The following ATXN10 variants were observed in gnomAD, a reference collection of about 807,000 sequenced individuals.
The protein encoded by ATXN10 is ataxin-10.
In ATXN10, 28 loss-of-function variants were observed where a neutral mutation model predicts 52.9. That is an observed-to-expected ratio of 0.53 (90% CI 0.39 to 0.73). The LOEUF (loss-of-function observed/expected upper bound fraction) is 0.73. Ranked by LOEUF, ATXN10 falls within the 30% of genes least tolerant of loss-of-function variation. The pLI is 0.00. For synonymous variants in ATXN10, 226 were observed against 221.5 expected, an observed-to-expected ratio of 1.02 and a Z score of -0.18; for missense variants, 565 against 577.0, an observed-to-expected ratio of 0.98 and a Z score of 0.21.
chr22:45,713,991 A>G (rs1404979026), intron 5 of ATXN10, among the ~76,000 whole-genome samples: 1 of 152,158 alleles, frequency 6.6e-6, no homozygotes, highest in Non-Finnish European at 1.5e-5. Context: ...ACAAGTAATG[A>G]TTGTAGAATA....
Position 45,770,189 on chromosome 22 carries a change from C to A in ATXN10, c.1173+29651C>A, listed in dbSNP as rs1926727754. On this transcript the variant is annotated intron_variant, in intron 9 of 11. Coordinates refer to ENST00000252934, the MANE Select transcript of ATXN10 (RefSeq NM_013236.4). The surrounding 1 kb of genome is among the most constrained non-coding windows in gnomAD (Gnocchi z 4.5). ...AGGAACCAAAGTCAAAAGTAATTTGCCCAAACAATTTACAGCAAATATGAT... is the reference window on the plus strand; with the variant it reads ...AGGAACCAAAGTCAAAAGTAATTTGACCAAACAATTTACAGCAAATATGAT... 6.6e-6 allele frequency among the ~76,000 whole-genome samples: 1 copy of A among 152,150 alleles called. No individual in the cohort carries two copies. The highest frequency in any genetic ancestry group is 1.5e-5 in the Non-Finnish European group (1 of 68,032).
At chr22:45,738,605 T>G in intron 7 of ATXN10, 126 bp from the exon 8 acceptor site, 1 of 836,948 alleles carries the variant, frequency 1.2e-6, no homozygotes. Flanking sequence ...TGTTTTTCTC[T>G]TTGACTTATT....
intron 9 of ATXN10, among the ~76,000 whole-genome samples, chr22:45,785,864 A>G (rs1419018700): frequency 2.0e-5 from 3 of 152,242 alleles, no homozygotes; most frequent in African/African-American, 7.2e-5. Flanking sequence ...CAAACGTGGG[A>G]AGATATTTTG....
chr22:45,690,968 A>G lies in ATXN10; in HGVS notation c.308+1065A>G, dbSNP rs1436499343. ...GACGGGTAAGCTTGGGCTGGTCCAG[A>G]AGCCACTTGAGGGACTCCCTTCGGT... On this transcript the variant is annotated intron_variant, in intron 2 of 11. Transcript: ENST00000252934. The surrounding 1 kb of genome is among the most constrained non-coding windows in gnomAD (Gnocchi z 4.5). 1.3e-5 allele frequency among the ~76,000 whole-genome samples: 2 copies of G among 152,178 alleles called. No homozygotes were observed. Among genetic ancestry groups the G allele is most frequent in the Non-Finnish European group, 2.9e-5 (2 of 68,038 alleles).
intron 10 of ATXN10, among the ~76,000 whole-genome samples, chr22:45,815,091 A>T (rs1928413478): frequency 6.6e-6 from 1 of 152,208 alleles, no homozygotes; most frequent in Non-Finnish European, 1.5e-5. Context: ...AATAACCCAG[A>T]TGTGCAGTAG....
rs1203772094 is a variant in ATXN10, at chr22:45,684,971, A to T, written c.117-4741A>T. On this transcript the variant is annotated intron_variant, in intron 1 of 11. Coordinates refer to ENST00000252934, the MANE Select transcript of ATXN10 (RefSeq NM_013236.4). This position sits in a 1 kb window ranked among gnomAD's most constrained non-coding sequence, Gnocchi z 4.1. ...TGTGTGGATTTTAATAGTTTTTCTC[A>T]CTGGCAGTTGTTAAACTACTCTAAA... Among the ~76,000 whole-genome samples the T allele has an allele frequency of 2.6e-5, 4 of 152,166 alleles. 1 individual carries two copies.
At position 45,781,385 on chromosome 22, in the gene ATXN10, CCT is replaced by C. The variant is rs1169884926; in HGVS notation, c.1174-25568_1174-25567del. On this transcript the variant is annotated intron_variant, in intron 9 of 11. Coordinates refer to ENST00000252934, the MANE Select transcript of ATXN10 (RefSeq NM_013236.4). This position sits in a 1 kb window ranked among gnomAD's most constrained non-coding sequence, Gnocchi z 4.2. ...CTCTGCCCAGCAGTAGTGAGGCACC[CCT>C]CTCTCCCCGGGTGTCAAAGGAGGTT... is the stretch of plus-strand genomic sequence containing the variant. Among the ~76,000 whole-genome samples, 6 of 152,110 alleles carry C rather than the reference CCT, an allele frequency of 3.9e-5. No individual in the cohort carries two copies. Among genetic ancestry groups the C allele is most frequent in the Non-Finnish European group, 8.8e-5 (6 of 68,020 alleles).
chr22:45,744,107 T>C lies in ATXN10; in HGVS notation c.1173+3569T>C, dbSNP rs1411748552. Among the ~76,000 whole-genome samples the C allele has an allele frequency of 2.0e-5, 3 of 152,200 alleles. No individual in the cohort carries two copies. The highest frequency in any genetic ancestry group is 4.4e-5 in the Non-Finnish European group (3 of 68,020). ...CACCCATTCATCAAATACGAATGTTTGCTGGCTTGGGGATCCTTTGACGGG... is the reference window on the plus strand; with the variant it reads ...CACCCATTCATCAAATACGAATGTTCGCTGGCTTGGGGATCCTTTGACGGG... On this transcript the variant is annotated intron_variant, in intron 9 of 11. Transcript: ENST00000252934. The surrounding 1 kb of genome is among the most constrained non-coding windows in gnomAD (Gnocchi z 4.9).
At chr22:45,721,421 A>T (rs146361985) in intron 6 of ATXN10, among the ~76,000 whole-genome samples, 65 of 152,292 alleles carry the variant, frequency 4.3e-4, no homozygotes, top group Non-Finnish European at 8.2e-4. Context: ...ATGATAACTG[A>T]TTGAAATGTG....
chr22:45,835,175 G>C lies in ATXN10; in HGVS notation c.1238-7816G>C, dbSNP rs1184514112. Among the ~76,000 whole-genome samples, 1 of 152,194 alleles carries C rather than the reference G, an allele frequency of 6.6e-6. No individual in the cohort carries two copies. On this transcript the variant is annotated intron_variant, in intron 10 of 11. Coordinates refer to ENST00000252934, the MANE Select transcript of ATXN10 (RefSeq NM_013236.4). This position sits in a 1 kb window ranked among gnomAD's most constrained non-coding sequence, Gnocchi z 5.0. The stretch of plus-strand genomic sequence containing the variant: ...GCCACAGAAGCTTTTGGAGTGGGCA[G>C]GGCACAGGTCATCTTCCCATGACTT...
Position 45,786,041 on chromosome 22 carries a change from T to TA in ATXN10, c.1174-20916dup, listed in dbSNP as rs1206995598. Among the ~76,000 whole-genome samples the TA allele has an allele frequency of 6.6e-6, 1 of 152,230 alleles. No individual in the cohort carries two copies. The highest frequency in any genetic ancestry group is 2.4e-5 in the African/African-American group (1 of 41,464). On this transcript the variant is annotated intron_variant, in intron 9 of 11. Coordinates refer to ENST00000252934, the MANE Select transcript of ATXN10 (RefSeq NM_013236.4). This position sits in a 1 kb window ranked among gnomAD's most constrained non-coding sequence, Gnocchi z 4.1. ...TATAGCTAGCTTCTTAAAAATCAGCTAATTTCATTCATTATTTAAACAAAG... is the reference window on the plus strand; with the variant it reads ...TATAGCTAGCTTCTTAAAAATCAGCTAAATTTCATTCATTATTTAAACAAAG...
chr22:45,797,352 A>C (rs1274598200), intron 9 of ATXN10, among the ~76,000 whole-genome samples: 1 of 152,248 alleles, frequency 6.6e-6, no homozygotes, highest in Non-Finnish European at 1.5e-5. Flanking sequence ...AAGAACTGAA[A>C]ACATAGACTA....
rs1926578800 is a variant in ATXN10 at position 45,766,270 on chromosome 22, T to C, written c.1173+25732T>C. Among the ~76,000 whole-genome samples, 2 of 152,184 alleles carry C rather than the reference T, an allele frequency of 1.3e-5. No homozygotes were observed. Among genetic ancestry groups the C allele is most frequent in the South Asian group, 4.1e-4 (2 of 4,826 alleles). On this transcript the variant is annotated intron_variant, in intron 9 of 11. Coordinates refer to ENST00000252934, the MANE Select transcript of ATXN10 (RefSeq NM_013236.4). This position sits in a 1 kb window ranked among gnomAD's most constrained non-coding sequence, Gnocchi z 4.6. The stretch of plus-strand genomic sequence containing the variant: ...CCACACAGCTGAGCTCTGCCTCTAG[T>C]CAGGTCAGAGGTGGCATTAGAGTCT...
chr22:45,686,601 C>T (rs1228006288), intron 1 of ATXN10, among the ~76,000 whole-genome samples: 4 of 152,140 alleles, frequency 2.6e-5, no homozygotes, highest in African/African-American at 4.8e-5. Flanking sequence ...GGGCAGATCA[C>T]GAGGTCAGGA....
Position 45,733,158 on chromosome 22 carries a change from C to G in ATXN10, c.894+3568C>G, listed in dbSNP as rs990157497. ...TTCTCTGAAAGCTCAAAAAACATTC[C>G]TTTTAGCTTTGTATTTTCTGATATC... On this transcript the variant is annotated intron_variant, in intron 7 of 11. Coordinates refer to ENST00000252934, the MANE Select transcript of ATXN10 (RefSeq NM_013236.4). This position sits in a 1 kb window ranked among gnomAD's most constrained non-coding sequence, Gnocchi z 4.4. Among the ~76,000 whole-genome samples, 1 of 152,022 alleles carries G rather than the reference C, an allele frequency of 6.6e-6. No homozygotes were observed.
At chr22:45,832,606 C>A (rs977052298) in intron 10 of ATXN10, among the ~76,000 whole-genome samples, 2 of 152,212 alleles carry the variant, frequency 1.3e-5, no homozygotes, top group African/African-American at 4.8e-5. Context: ...TAGCTGTTGT[C>A]TTACCAGTAT....
chr22:45,691,600 T>C (rs966953448), intron 2 of ATXN10, among the ~76,000 whole-genome samples: 1 of 152,180 alleles, frequency 6.6e-6, no homozygotes, highest in African/African-American at 2.4e-5. Flanking sequence ...GAGCTTAAGC[T>C]CAAAAGCAGT....
At chr22:45,791,375 T>G (rs1278083250) in intron 9 of ATXN10, among the ~76,000 whole-genome samples, 2 of 151,860 alleles carry the variant, frequency 1.3e-5, no homozygotes, top group African/African-American at 4.8e-5. Context: ...TATCCTTGTG[T>G]TTTTTTTCTG....
chr22:45,717,031 GAC>G (rs1241914419), intron 5 of ATXN10, among the ~76,000 whole-genome samples: 5 of 152,102 alleles, frequency 3.3e-5, no homozygotes, highest in African/African-American at 1.2e-4. Context: ...TAGTTCCCCA[GAC>G]ACACTGCTGT....
Sources: gnomAD v4.1 joint callset for allele counts (sites outside exome capture counted in the v4.1 genomes callset) on GRCh38, gnomAD v4.1.1 for gene constraint, Gnocchi (gnomAD v3.1) non-coding constraint, MANE v1.5 for transcripts, NCBI Gene and HGNC (gene_info 2026-07-23, HGNC 2026-07-21) for gene names.